ARHGAP24: variants seen among roughly 807,000 people sequenced by gnomAD.
ARHGAP24 encodes the protein Rho GTPase activating protein 24.
A neutral mutation model predicts 76.4 loss-of-function variants in ARHGAP24; 50 were observed. The observed-to-expected ratio is 0.65, with a 90% confidence interval of 0.52 to 0.83. ARHGAP24 has a LOEUF of 0.83. Ranked by LOEUF, ARHGAP24 falls within the 40% of genes least tolerant of loss-of-function variation. The pLI is 0.00. For missense variants in ARHGAP24, 930 were observed against 914.2 expected, an observed-to-expected ratio of 1.02 and a Z score of -0.22; for synonymous variants, 345 against 323.3, an observed-to-expected ratio of 1.07 and a Z score of -0.72.
intron 2 of ARHGAP24, among the ~76,000 whole-genome samples, chr4:85,709,760 A>G (rs1437913943): frequency 1.3e-5 from 2 of 152,158 alleles, no homozygotes; most frequent in Non-Finnish European, 2.9e-5. Context: ...CAAATCAGGA[A>G]CACATGCCTA....
Position 85,591,048 on chromosome 4 carries a change from T to G in ARHGAP24, c.180+20327T>G, listed in dbSNP as rs1728083495. 2.9e-5 allele frequency among the ~76,000 whole-genome samples: 4 copies of G among 137,460 alleles called. No homozygotes were observed. In the South Asian group the frequency reaches 9.8e-4, roughly 34 times the overall value. The allele number at this position is 137,460 out of a possible 152,430, so 90.2% of individuals were successfully genotyped here. A position where few individuals can be genotyped will look rare whatever the true frequency, so the allele number is the denominator to read the frequency against. On this transcript the variant is annotated intron_variant, in intron 2 of 9. Transcript: ENST00000395184. ...TCTGCTGGGTTTTTTTTTTTTTTTT[T>G]TTTTTTTTTTTTTGAGATGGAGTTT...
chr4:85,623,252 C>A (rs1197317237), intron 2 of ARHGAP24, among the ~76,000 whole-genome samples: 3 of 152,014 alleles, frequency 2.0e-5, no homozygotes, highest in Non-Finnish European at 2.9e-5. Flanking sequence ...AGTCTTTAAT[C>A]CATCTTGAAT....
intron 3 of ARHGAP24, among the ~76,000 whole-genome samples, chr4:85,857,706 G>T (rs1303427288): frequency 6.6e-6 from 1 of 152,112 alleles, no homozygotes; most frequent in Non-Finnish European, 1.5e-5. Context: ...ATAGGCGAGT[G>T]AATTTATTTT....
At chr4:85,740,089 GGTTTT>G (rs1413154875) in intron 3 of ARHGAP24, among the ~76,000 whole-genome samples, 2 of 151,890 alleles carry the variant, frequency 1.3e-5, no homozygotes, top group South Asian at 2.1e-4. Flanking sequence ...CATGCCTTTG[GGTTTT>G]GTTTTGTTTG....
intron 3 of ARHGAP24, among the ~76,000 whole-genome samples, chr4:85,749,727 G>A (rs148567579): frequency 0.031 from 4,647 of 152,080 alleles, 205 homozygotes; most frequent in African/African-American, 0.11. Flanking sequence ...CACCACGCCT[G>A]GCTAATTTTT....
intron 3 of ARHGAP24, among the ~76,000 whole-genome samples, chr4:85,883,327 A>T (rs1370817614): frequency 6.6e-6 from 1 of 152,208 alleles, no homozygotes. Context: ...CCATGGCTAA[A>T]TATTTGAATC....
At chr4:85,557,445 C>A (rs539887257) in intron 1 of ARHGAP24, among the ~76,000 whole-genome samples, 11 of 152,298 alleles carry the variant, frequency 7.2e-5, no homozygotes, top group Admixed American at 2.0e-4. Flanking sequence ...GGGGAGTTTG[C>A]GGGGATTTCC....
chr4:85,815,551 C>T (rs1358276356), intron 3 of ARHGAP24, among the ~76,000 whole-genome samples: 1 of 152,206 alleles, frequency 6.6e-6, no homozygotes, highest in Non-Finnish European at 1.5e-5. Context: ...CACCTTTGCT[C>T]CAGCTCCCAA....
intron 1 of ARHGAP24, among the ~76,000 whole-genome samples, chr4:85,551,079 G>T (rs2110128976): frequency 6.6e-6 from 1 of 152,272 alleles, no homozygotes; most frequent in Admixed American, 6.5e-5. Context: ...AATAGGAGTG[G>T]TGAGAGAGGG....
intron 8 of ARHGAP24, among the ~76,000 whole-genome samples, chr4:85,982,773 T>G (rs1739746060): frequency 6.6e-6 from 1 of 152,210 alleles, no homozygotes; most frequent in African/African-American, 2.4e-5. Flanking sequence ...TTTATTTTAT[T>G]CTATTTTAAG....
chr4:85,697,932 ACT>A (rs1174991644), intron 2 of ARHGAP24, among the ~76,000 whole-genome samples: 2 of 152,234 alleles, frequency 1.3e-5, no homozygotes. Context: ...TCATAGAAAT[ACT>A]GAGTCCATTT....
intron 8 of ARHGAP24, among the ~76,000 whole-genome samples, chr4:85,987,046 G>A (rs1374594236): frequency 6.6e-6 from 1 of 152,072 alleles, no homozygotes; most frequent in Non-Finnish European, 1.5e-5. Context: ...TTATGTATTT[G>A]TCAAAACCCA....
At position 85,609,023 on chromosome 4, in the gene ARHGAP24, C is replaced by T. The variant is rs566516677; in HGVS notation, c.180+38302C>T. ...CCTTTTTGTGACTCTGATTCCTCAT[C>T]TGTAAAACAAGAGTAAGAGTATTAC... On this transcript the variant is annotated intron_variant, in intron 2 of 9. Transcript: ENST00000395184. Among the ~76,000 whole-genome samples the T allele has an allele frequency of 8.7e-4, 132 of 152,216 alleles. 3 individuals carry two copies. The highest frequency in any genetic ancestry group is 3.0e-3 in the African/African-American group (126 of 41,526).
chr4:85,515,525 A>G (rs1456189333), intron 1 of ARHGAP24, among the ~76,000 whole-genome samples: 1 of 151,812 alleles, frequency 6.6e-6, no homozygotes, highest in Admixed American at 6.6e-5. Flanking sequence ...TTTTTATTAC[A>G]CAAAAAGTAG....
At chr4:85,850,099 G>C (rs964155123) in intron 3 of ARHGAP24, among the ~76,000 whole-genome samples, 4 of 152,064 alleles carry the variant, frequency 2.6e-5, no homozygotes, top group Admixed American at 2.6e-4. Flanking sequence ...TGGTTGGTAG[G>C]CTATTAATTA....
intron 2 of ARHGAP24, among the ~76,000 whole-genome samples, chr4:85,620,677 A>G (rs1196505689): frequency 6.6e-6 from 1 of 151,322 alleles, no homozygotes. Context: ...ATTATTTCCT[A>G]TCTTCTACAA....
chr4:85,781,543 T>C (rs1230358715), intron 3 of ARHGAP24, among the ~76,000 whole-genome samples: 1 of 148,082 alleles, frequency 6.8e-6, no homozygotes, highest in Non-Finnish European at 1.5e-5. Flanking sequence ...GTGAAGACTT[T>C]TGTATTAGAA....
At chr4:85,753,050 A>G (rs1726322529) in intron 3 of ARHGAP24, among the ~76,000 whole-genome samples, 1 of 152,194 alleles carries the variant, frequency 6.6e-6, no homozygotes, top group African/African-American at 2.4e-5. Context: ...TAATTTGGGA[A>G]AAGGTTTTCG....
intron 2 of ARHGAP24, among the ~76,000 whole-genome samples, chr4:85,643,723 C>T (rs1237739695): frequency 2.0e-5 from 3 of 151,930 alleles, no homozygotes; most frequent in Non-Finnish European, 4.4e-5. Flanking sequence ...GAACAGAGAT[C>T]TTTGTTTTAT....
Sources: gnomAD v4.1 joint callset for allele counts (sites outside exome capture counted in the v4.1 genomes callset) on GRCh38, gnomAD v4.1.1 for gene constraint, MANE v1.5 for transcripts, NCBI Gene and HGNC (gene_info 2026-07-23, HGNC 2026-07-21) for gene names.